LNPK: variants seen among roughly 807,000 people sequenced by gnomAD.
The protein encoded by LNPK is lunapark, ER junction formation factor.
Under a neutral mutation model 55.2 loss-of-function variants are expected in LNPK, and 29 were observed. That is an observed-to-expected ratio of 0.53 (90% CI 0.39 to 0.72). The LOEUF is 0.72. Ranked by LOEUF, LNPK falls within the 30% of genes least tolerant of loss-of-function variation. The pLI is 0.00. For missense variants in LNPK, 467 were observed against 494.8 expected (o/e 0.94, Z 0.53); for synonymous variants, 162 against 168.2 (o/e 0.96, Z 0.29).
intron 4 of LNPK, among the ~76,000 whole-genome samples, chr2:175,984,562 T>A (rs899370167): frequency 1.3e-5 from 2 of 152,112 alleles, no homozygotes; most frequent in East Asian, 1.9e-4. Flanking sequence ...ACAAAAGTCA[T>A]GAATAAACAT....
chr2:175,959,001 G>A (rs1685854672), intron 8 of LNPK, among the ~76,000 whole-genome samples: 1 of 151,518 alleles, frequency 6.6e-6, no homozygotes. Context: ...ATGAAATGAA[G>A]CAAGAAGTTT....
At chr2:175,954,359 C>T (rs1480456777) in intron 8 of LNPK, among the ~76,000 whole-genome samples, 2 of 152,130 alleles carry the variant, frequency 1.3e-5, no homozygotes, top group Non-Finnish European at 1.5e-5. Flanking sequence ...CTCTCAAAAA[C>T]GTCCCCATCT....
intron 8 of LNPK, among the ~76,000 whole-genome samples, chr2:175,958,829 G>T (rs1685840444): frequency 6.6e-6 from 1 of 152,128 alleles, no homozygotes; most frequent in South Asian, 2.1e-4. Context: ...CTTGAAAAAA[G>T]ATTAGACAAA....
intron 4 of LNPK, among the ~76,000 whole-genome samples, chr2:175,990,185 G>T (rs1421723775): frequency 1.3e-5 from 2 of 152,208 alleles, no homozygotes; most frequent in African/African-American, 2.4e-5. Flanking sequence ...TGTTGGAGGT[G>T]GGGCCTAATG....
At chr2:175,978,700 G>A (rs951193505) in intron 5 of LNPK, among the ~76,000 whole-genome samples, 3 of 152,206 alleles carry the variant, frequency 2.0e-5, no homozygotes, top group Admixed American at 6.5e-5. Context: ...CTGGTCAGGT[G>A]AGCATGTTGT....
rs1684078686 is a variant in LNPK at position 175,927,823 on chromosome 2, C to T, written c.*2144G>A. ...ATAAGCTTTTGTATCTAAAAGGATA[C>T]TATATGGTTACAAACATGTTACCTA... is the stretch of plus-strand genomic sequence containing the variant. On this transcript the variant is annotated 3_prime_UTR_variant, in exon 13 of 13. Transcript: ENST00000272748. 1 of 152,108 alleles carries T rather than the reference C, an allele frequency of 6.6e-6. No individual in the cohort carries two copies. Among genetic ancestry groups the T allele is most frequent in the Non-Finnish European group, 1.5e-5 (1 of 68,012 alleles). The allele number at this position is 152,108 out of a possible 1,614,324, so 9.4% of individuals were successfully genotyped here.
chr2:175,967,715 A>T, intron 6 of LNPK: 1 of 974,604 alleles, frequency 1.0e-6, no homozygotes, highest in Non-Finnish European at 1.2e-6. Context: ...TTACTAATTC[A>T]GATGTTATAT....
In LNPK at chr2:175,929,380, G is replaced by A. The variant is rs1436150041; in HGVS notation, c.*587C>T. On this transcript the variant is annotated 3_prime_UTR_variant, in exon 13 of 13. Coordinates refer to ENST00000272748, the MANE Select transcript of LNPK (RefSeq NM_030650.3). ...GCATTCTCACTGAGAATTCGTACCA[G>A]TGCCAACGTAGTTACAGTTCTACTT... is the stretch of plus-strand genomic sequence containing the variant. The A allele has an allele frequency of 1.0e-6, 1 of 985,516 alleles. No individual in the cohort carries two copies. Among genetic ancestry groups the A allele is most frequent in the South Asian group, 4.7e-5 (1 of 21,288 alleles). 61.0% of individuals were successfully genotyped at this position (985,516 alleles called of 1,614,324 possible).
rs1170644434 is a variant in LNPK at position 175,939,612 on chromosome 2, C to T, written c.752G>A (p.Arg251Gln). The T allele has an allele frequency of 8.1e-6, 13 of 1,607,692 alleles. No individual in the cohort carries two copies. The highest frequency in any genetic ancestry group is 4.5e-5 in the East Asian group (2 of 44,734). Reference sequence around the variant, plus strand: ...AATTCTATCCAAAGCACCTCGTTCTCGGGGGAGAATAGGTCTTGCTAAAGG... The same window carrying T: ...AATTCTATCCAAAGCACCTCGTTCTTGGGGGAGAATAGGTCTTGCTAAAGG... ...GPPLARPILP[R>Q]ERGALDRIVE... Residue 251 changes from arginine to glutamine, a missense_variant, in exon 10 of 13, where the codon CGA (arginine) becomes CAA (glutamine). Coordinates refer to ENST00000272748, the MANE Select transcript of LNPK (RefSeq NM_030650.3).
chr2:175,987,483 T>C (rs1450420736), intron 4 of LNPK, among the ~76,000 whole-genome samples: 1 of 151,900 alleles, frequency 6.6e-6, no homozygotes, highest in South Asian at 2.1e-4. Flanking sequence ...TGAGAACACA[T>C]GGACACAGGA....
intron 1 of LNPK, among the ~76,000 whole-genome samples, chr2:175,997,517 A>G (rs1003503543): frequency 6.6e-6 from 1 of 152,148 alleles, no homozygotes; most frequent in African/African-American, 2.4e-5. Flanking sequence ...GGTGTCTAGC[A>G]GTGTTCTGTA....
At position 175,929,257 on chromosome 2, in the gene LNPK, AGT is replaced by A. The variant is rs1684152272; in HGVS notation, c.*708_*709del. The stretch of plus-strand genomic sequence containing the variant: ...AGTGCAGAAATATTTCCTATATGCT[AGT>A]GTGTAAATATAAACTAATTATATAC... On this transcript the variant is annotated 3_prime_UTR_variant, in exon 13 of 13. Coordinates refer to ENST00000272748, the MANE Select transcript of LNPK (RefSeq NM_030650.3). 1.0e-6 allele frequency: 1 copy of A among 959,508 alleles called. No homozygotes were observed. The highest frequency in any genetic ancestry group is 4.8e-5 in the South Asian group (1 of 20,800). 59.4% of individuals were successfully genotyped at this position (959,508 alleles called of 1,614,324 possible). A position where few individuals can be genotyped will look rare whatever the true frequency, so the allele number is the denominator to read the frequency against.
intron 6 of LNPK, among the ~76,000 whole-genome samples, chr2:175,968,276 C>T (rs748382830): frequency 6.6e-6 from 1 of 152,170 alleles, no homozygotes; most frequent in Non-Finnish European, 1.5e-5. Flanking sequence ...AACACTTTTC[C>T]TCATGTTCCC....
intron 12 of LNPK, among the ~76,000 whole-genome samples, chr2:175,933,654 T>C (rs942535163): frequency 1.3e-5 from 2 of 151,850 alleles, no homozygotes; most frequent in African/African-American, 4.8e-5. Context: ...CCACTCATAA[T>C]AGCTAGTATT....
At position 175,939,583 on chromosome 2, in the gene LNPK, C is replaced by G; in HGVS notation, c.781G>C (p.Glu261Gln). The change falls in exon 10 of 13, where the codon GAA becomes CAA. Residue 261 changes from glutamate to glutamine, a missense_variant. Glu to Gln is a conservative substitution (Grantham distance 29). Transcript: ENST00000272748. Reference sequence around the variant, plus strand: ...TGTGGACCATCACCAACCAAATATTCAACAATTCTATCCAAAGCACCTCGT... The same window carrying G: ...TGTGGACCATCACCAACCAAATATTGAACAATTCTATCCAAAGCACCTCGT... Reference protein sequence around the residue: ...RERGALDRIVEYLVGDGPQNR... With the variant: ...RERGALDRIVQYLVGDGPQNR... The G allele has an allele frequency of 6.2e-7, 1 of 1,604,442 alleles. No homozygotes were observed. Among genetic ancestry groups the G allele is most frequent in the Non-Finnish European group, 8.5e-7 (1 of 1,172,740 alleles).
chr2:175,989,213 A>G (rs1048005870), intron 4 of LNPK, among the ~76,000 whole-genome samples: 3 of 152,216 alleles, frequency 2.0e-5, no homozygotes, highest in Non-Finnish European at 2.9e-5. Flanking sequence ...GAGAGGAGGC[A>G]TGAAAATTGT....
intron 1 of LNPK, among the ~76,000 whole-genome samples, chr2:175,997,703 C>CTTTATATGTGTGTGTGTGTGTGTG (rs1491566543): frequency 4.4e-5 from 2 of 45,818 alleles, no homozygotes; most frequent in African/African-American, 1.4e-4. Flanking sequence ...AAAACAAATG[C>CTTTATATGTGTGTGTGTGTGTGTG]TCTGTGTGTG....
intron 5 of LNPK, among the ~76,000 whole-genome samples, chr2:175,973,434 A>G (rs964391204): frequency 6.6e-6 from 1 of 152,218 alleles, no homozygotes; most frequent in Non-Finnish European, 1.5e-5. Flanking sequence ...AAATTCAAGT[A>G]TGTTCTGTGA....
Position 175,978,877 on chromosome 2 carries a change from T to C in LNPK, c.316+933A>G, listed in dbSNP as rs1436766004. ...GAAGGAGGAGCAAAAGGGTCAAGAG[T>C]GTCAGCAAGGAAATAGTCGTTGGGG... On this transcript the variant is annotated intron_variant, in intron 5 of 12. Transcript: ENST00000272748. 3.3e-5 allele frequency among the ~76,000 whole-genome samples: 5 copies of C among 151,998 alleles called. No individual in the cohort carries two copies. The East Asian group carries it at 7.7e-4, about 24-fold the overall frequency.
Sources: gnomAD v4.1 joint callset for allele counts (sites outside exome capture counted in the v4.1 genomes callset) on GRCh38, gnomAD v4.1.1 for gene constraint, MANE v1.5 for transcripts, NCBI Gene and HGNC (gene_info 2026-07-23, HGNC 2026-07-21) for gene names.